The following TASP1 variants were observed in gnomAD, a reference collection of about 807,000 sequenced individuals.
The protein encoded by TASP1 is threonine aspartase 1.
A neutral mutation model predicts 56.6 loss-of-function variants in TASP1; 16 were observed. The ratio of observed to expected loss-of-function variants is 0.28; its 90% CI spans 0.19 to 0.43. The LOEUF is 0.43. TASP1 is among the 20% of genes least tolerant of loss of function. The pLI is 1.00. For missense variants in TASP1, 393 were observed against 511.6 expected, an observed-to-expected ratio of 0.77 and a Z score of 2.24; for synonymous variants, 179 against 184.2, an observed-to-expected ratio of 0.97 and a Z score of 0.23.
chr20:13,198,148 A>C, the TASP1 span, among the ~76,000 whole-genome samples: 1 of 152,066 alleles, frequency 6.6e-6, no homozygotes, highest in Admixed American at 6.6e-5. Context: ...GAATATCTAG[A>C]TTTTTTTTAT....
intron 6 of TASP1, among the ~76,000 whole-genome samples, chr20:13,574,719 T>C (rs1437001294): frequency 6.6e-6 from 1 of 152,134 alleles, no homozygotes; most frequent in Non-Finnish European, 1.5e-5. Context: ...GATTAGCAGG[T>C]AATTAGACAT....
intron 13 of TASP1, among the ~76,000 whole-genome samples, chr20:13,414,687 C>T (rs545814945): frequency 2.8e-4 from 43 of 152,076 alleles, no homozygotes; most frequent in Non-Finnish European, 3.8e-4. Context: ...GGGTAGGATA[C>T]GGACAATCTG....
the TASP1 span, among the ~76,000 whole-genome samples, chr20:13,354,867 C>T: frequency 5.0e-4 from 76 of 151,976 alleles, no homozygotes; most frequent in African/African-American, 1.8e-3. Context: ...TCAGTGGGCA[C>T]TGGCAGATCT....
chr20:13,548,463 A>G (rs1258432061), intron 8 of TASP1, among the ~76,000 whole-genome samples: 1 of 152,146 alleles, frequency 6.6e-6, no homozygotes, highest in Non-Finnish European at 1.5e-5. Flanking sequence ...ATGGAAAAAT[A>G]CATATAGATT....
chr20:13,459,408 C>A (rs983344867), intron 11 of TASP1, among the ~76,000 whole-genome samples: 1 of 152,114 alleles, frequency 6.6e-6, no homozygotes, highest in Non-Finnish European at 1.5e-5. Flanking sequence ...ATAATTAATT[C>A]TCTGCAGAAA....
At chr20:13,372,256 T>C in the TASP1 span, among the ~76,000 whole-genome samples, 1 of 152,194 alleles carries the variant, frequency 6.6e-6, no homozygotes, top group Non-Finnish European at 1.5e-5. Context: ...CCTCGTTCAA[T>C]GAATTGACAG....
At chr20:13,422,141 C>T (rs1452029769) in intron 12 of TASP1, among the ~76,000 whole-genome samples, 1 of 151,912 alleles carries the variant, frequency 6.6e-6, no homozygotes, top group East Asian at 1.9e-4. Flanking sequence ...TTAGTAGAGA[C>T]GGGGTTTCAC....
chr20:13,294,773 T>C, the TASP1 span, among the ~76,000 whole-genome samples: 1 of 152,222 alleles, frequency 6.6e-6, no homozygotes, highest in African/African-American at 2.4e-5. Context: ...CACTCTTGGG[T>C]GCACCCTCTA....
chr20:13,395,762 C>T (rs564171446), intron 13 of TASP1, among the ~76,000 whole-genome samples: 41 of 149,458 alleles, frequency 2.7e-4, no homozygotes, highest in South Asian at 6.4e-4. Flanking sequence ...AGTGCAGTGG[C>T]GCGATCTCAG....
intron 6 of TASP1, 152 bp from the exon 7 acceptor site, chr20:13,569,738 T>TA: frequency 5.0e-6 from 3 of 596,396 alleles, no homozygotes; most frequent in East Asian, 3.0e-5. Flanking sequence ...GACTGCATGC[T>TA]AAAAAATTCC....
chr20:13,223,434 A>G, the TASP1 span, among the ~76,000 whole-genome samples: 2 of 152,238 alleles, frequency 1.3e-5, no homozygotes, highest in Non-Finnish European at 2.9e-5. Context: ...TACTGTTAAT[A>G]TAGCCTCATT....
At chr20:13,532,738 A>T (rs1346999080) in intron 9 of TASP1, among the ~76,000 whole-genome samples, 1 of 152,230 alleles carries the variant, frequency 6.6e-6, no homozygotes, top group African/African-American at 2.4e-5. Context: ...CAAAACAAAC[A>T]GAAAACAGTG....
At chr20:13,116,134 C>A in the TASP1 span, among the ~76,000 whole-genome samples, 1 of 152,194 alleles carries the variant, frequency 6.6e-6, no homozygotes, top group South Asian at 2.1e-4. Flanking sequence ...GATACTCTCT[C>A]CAAACCAACA....
the TASP1 span, among the ~76,000 whole-genome samples, chr20:13,293,347 A>C: frequency 1.3e-5 from 2 of 152,318 alleles, no homozygotes; most frequent in South Asian, 2.1e-4. Flanking sequence ...GTGCAAGCTT[A>C]CTTTTTTGAA....
the TASP1 span, among the ~76,000 whole-genome samples, chr20:13,147,105 C>T: frequency 1.2e-4 from 19 of 152,242 alleles, no homozygotes; most frequent in South Asian, 2.1e-3. Context: ...CAGGCCATGC[C>T]GACGGCTGCC....
At chr20:13,486,099 C>T (rs2043310214) in intron 10 of TASP1, among the ~76,000 whole-genome samples, 2 of 152,132 alleles carry the variant, frequency 1.3e-5, no homozygotes. Context: ...GAAACCAAAG[C>T]TTATTCTCCT....
At chr20:13,516,127 G>A (rs994383930) in intron 10 of TASP1, among the ~76,000 whole-genome samples, 2 of 152,146 alleles carry the variant, frequency 1.3e-5, no homozygotes, top group African/African-American at 4.8e-5. Flanking sequence ...GAGCTGAAAA[G>A]AACTACAGCA....
chr20:13,623,107 CTTTTAT>C (rs1233256180), intron 4 of TASP1, among the ~76,000 whole-genome samples: 9 of 151,938 alleles, frequency 5.9e-5, no homozygotes, highest in Non-Finnish European at 1.3e-4. Flanking sequence ...TGGAATTTTT[CTTTTAT>C]TTTTAAACAA....
chr20:13,314,104 G>A, the TASP1 span, among the ~76,000 whole-genome samples: 1 of 151,952 alleles, frequency 6.6e-6, no homozygotes, highest in Non-Finnish European at 1.5e-5. Context: ...AAAAAAGACT[G>A]AAAGAAACAA....
Sources: gnomAD v4.1 joint callset for allele counts (sites outside exome capture counted in the v4.1 genomes callset) on GRCh38, gnomAD v4.1.1 for gene constraint, MANE v1.5 for transcripts, NCBI Gene and HGNC (gene_info 2026-07-23, HGNC 2026-07-21) for gene names.